A2ML1: variants seen among roughly 807,000 people sequenced by gnomAD.
A2ML1 encodes the protein alpha-2-macroglobulin-like protein 1.
A2ML1 carries 161 observed loss-of-function variants against 181.9 expected under a neutral mutation model. The ratio of observed to expected loss-of-function variants is 0.89; its 90% CI spans 0.78 to 1.01. The LOEUF is 1.01. A2ML1 is among the 50% of genes least tolerant of loss of function. The pLI, the probability that A2ML1 is intolerant of heterozygous loss-of-function variation, is 0.00. For missense variants in A2ML1, 1,670 were observed against 1,768.1 expected, an observed-to-expected ratio of 0.94 and a Z score of 1.00; for synonymous variants, 663 against 666.8, an observed-to-expected ratio of 0.99 and a Z score of 0.09.
chr12:8,885,462 T>A (rs1347963597), intron 7 of A2ML1, among the ~76,000 whole-genome samples: 2 of 151,442 alleles, frequency 1.3e-5, no homozygotes, highest in Admixed American at 6.6e-5. Flanking sequence ...ATTTTATTTT[T>A]TTTAGAAAAC....
At position 8,830,307 on chromosome 12, in the gene A2ML1, C is replaced by T. The variant is rs138687169; in HGVS notation, c.462+528C>T. On this transcript the variant is annotated intron_variant, in intron 4 of 35. Transcript: ENST00000299698. ...CCTCAAGTGTTCCACCCACCTCGGCCTCCCAAAGTGCTGGGATTACAGACA... is the reference window on the plus strand; with the variant it reads ...CCTCAAGTGTTCCACCCACCTCGGCTTCCCAAAGTGCTGGGATTACAGACA... Among the ~76,000 whole-genome samples the T allele has an allele frequency of 5.0e-3, 769 of 152,312 alleles. 4 individuals carry two copies. Among genetic ancestry groups the T allele is most frequent in the African/African-American group, 0.016 (672 of 41,574 alleles).
In A2ML1 at chr12:8,846,117, G is replaced by A. The variant is rs1414395774; in HGVS notation, c.1578G>A (p.Ser526=). 6 of 1,613,966 alleles carry A rather than the reference G, an allele frequency of 3.7e-6. No homozygotes were observed. The highest frequency in any genetic ancestry group is 4.2e-6 in the Non-Finnish European group (5 of 1,180,032). ...ASFSLSLTFT[S]RLAPDPSLVI... ...TCTCTCTCTCACTGACCTTCACTTC[G>A]AGACTGGCCCCTGATCCTTCCCTGG... The change falls in exon 14 of 36, where the codon TCG becomes TCA. Residue 526 remains serine, a synonymous_variant. Transcript: ENST00000299698.
At position 8,822,674 on chromosome 12, in the gene A2ML1, G is replaced by A. The variant is rs1942778660; in HGVS notation, c.23G>A (p.Gly8Glu). The A allele has an allele frequency of 6.2e-7, 1 of 1,614,162 alleles. No homozygotes were observed. The highest frequency in any genetic ancestry group is 1.3e-5 in the African/African-American group (1 of 75,072). The change falls in exon 1 of 36, where the codon GGA becomes GAA. Residue 8 changes from glycine to glutamate, a missense_variant. By Grantham distance (98) the Gly-to-Glu change is moderately conservative (BLOSUM62 -2). Coordinates refer to ENST00000299698, the MANE Select transcript of A2ML1 (RefSeq NM_144670.6). ...AAGATGTGGGCTCAGCTCCTTCTAG[G>A]AATGTTGGCCCTATCACCAGCCATT... is the stretch of plus-strand genomic sequence containing the variant. MWAQLLL[G>E]MLALSPAIAE...
At chr12:8,845,219 C>A (rs1235076537) in intron 12 of A2ML1, 12 of 1,534,726 alleles carry the variant, frequency 7.8e-6, no homozygotes, top group Non-Finnish European at 1.0e-5. Flanking sequence ...CATCCACCTG[C>A]GTGGTTCTCA....
rs114264218 is a variant in A2ML1 at position 8,843,075 on chromosome 12, C to T, written c.1249-59C>T. 2.4e-4 allele frequency: 354 copies of T among 1,477,238 alleles called. 2 individuals are homozygous for T. In the African/African-American group the frequency reaches 4.2e-3, roughly 17 times the overall value. 91.5% of individuals were successfully genotyped at this position (1,477,238 alleles called of 1,614,324 possible). A position where few individuals can be genotyped will look rare whatever the true frequency, so the allele number is the denominator to read the frequency against. On this transcript the variant is annotated intron_variant, in intron 11 of 35. Transcript: ENST00000299698. ...CTCTATTTGAAAACCGTAACAAGTC[C>T]GTGGGGTTTCCATGGTTGGAGCACA...
chr12:8,841,021 A>AGGAAGGAAGGAAGGACGGACGGAC (rs1555109425), intron 10 of A2ML1, among the ~76,000 whole-genome samples: 25 of 122,958 alleles, frequency 2.0e-4, no homozygotes, highest in South Asian at 5.9e-4. Context: ...GACGGAAGGA[A>AGGAAGGAAGGAAGGACGGACGGAC]GGAAGGAAGG....
intron 6 of A2ML1, among the ~76,000 whole-genome samples, chr12:8,835,980 T>A (rs1315310069): frequency 8.2e-6 from 1 of 122,370 alleles, no homozygotes; most frequent in Non-Finnish European, 1.6e-5. Context: ...GCCACTGCAC[T>A]CCAGCCTGGG....
intron 4 of A2ML1, among the ~76,000 whole-genome samples, chr12:8,833,955 A>G (rs1943195120): frequency 6.6e-6 from 1 of 152,158 alleles, no homozygotes; most frequent in Non-Finnish European, 1.5e-5. Context: ...AAAAAAATCA[A>G]GGACTGTCTT....
At chr12:8,831,043 G>A (rs1164722980) in intron 4 of A2ML1, 4 of 151,656 alleles carry the variant, frequency 2.6e-5, no homozygotes, top group Non-Finnish European at 4.4e-5. Flanking sequence ...ACCCTGCCCC[G>A]GGCTCAAGTA....
downstream of A2ML1, among the ~76,000 whole-genome samples, chr12:8,880,146 C>T (rs1944856128): frequency 6.6e-6 from 1 of 152,006 alleles, no homozygotes; most frequent in South Asian, 2.1e-4. Flanking sequence ...GGCAGATCAC[C>T]TGAGATCAGG....
chr12:8,846,459 C>G (rs750413330), intron 14 of A2ML1, among the ~76,000 whole-genome samples: 2 of 152,130 alleles, frequency 1.3e-5, no homozygotes, highest in African/African-American at 2.4e-5. Flanking sequence ...AATCCCAGTG[C>G]TTTGGGAGGC....
downstream of A2ML1, among the ~76,000 whole-genome samples, chr12:8,878,180 A>G (rs1055066319): frequency 3.9e-5 from 6 of 152,106 alleles, no homozygotes; most frequent in African/African-American, 1.4e-4. This position sits in a 1 kb window ranked among gnomAD's most constrained non-coding sequence, Gnocchi z 4.4. Flanking sequence ...GCAGGTGCCT[A>G]TAATCCCAGC....
chr12:8,871,827 G>A (rs776983678), intron 33 of A2ML1, among the ~76,000 whole-genome samples: 4 of 151,274 alleles, frequency 2.6e-5, no homozygotes, highest in Non-Finnish European at 5.9e-5. Flanking sequence ...CTCCCCCACC[G>A]CCACACACAC....
chr12:8,845,507 G>A lies in A2ML1; in HGVS notation c.1537+5G>A, dbSNP rs753742765. The A allele has an allele frequency of 4.3e-6, 7 of 1,614,102 alleles. No individual in the cohort carries two copies. Among genetic ancestry groups the A allele is most frequent in the Non-Finnish European group, 5.9e-6 (7 of 1,179,986 alleles). ...ACCTGAACTCTAAGAAGAAAGGTGAGTGTACATGCTTTTCCCGGAAGCAAA... is the reference window on the plus strand; with the variant it reads ...ACCTGAACTCTAAGAAGAAAGGTGAATGTACATGCTTTTCCCGGAAGCAAA... On this transcript the variant is annotated splice_donor_5th_base_variant and intron_variant, in intron 13 of 35. Coordinates refer to ENST00000299698, the MANE Select transcript of A2ML1 (RefSeq NM_144670.6).
intron 33 of A2ML1, among the ~76,000 whole-genome samples, chr12:8,869,536 A>G (rs1944548754): frequency 6.6e-6 from 1 of 152,194 alleles, no homozygotes; most frequent in Non-Finnish European, 1.5e-5. Context: ...CCATTTTACC[A>G]TACAATTAAT....
intron 22 of A2ML1, among the ~76,000 whole-genome samples, chr12:8,855,236 A>G (rs1944023502): frequency 1.3e-5 from 2 of 152,148 alleles, no homozygotes; most frequent in Admixed American, 1.3e-4. Flanking sequence ...ATAGTACCAG[A>G]AGGAATAGGA....
downstream of A2ML1, among the ~76,000 whole-genome samples, chr12:8,878,637 T>A (rs1944838363): frequency 1.3e-5 from 2 of 152,240 alleles, no homozygotes; most frequent in South Asian, 4.1e-4. The surrounding 1 kb of genome is among the most constrained non-coding windows in gnomAD (Gnocchi z 4.4). Flanking sequence ...ATTTACCCCC[T>A]GAATCTAAAC....
chr12:8,880,463 G>A (rs1278765612), downstream of A2ML1: 1 of 152,066 alleles, frequency 6.6e-6, no homozygotes, highest in Non-Finnish European at 1.5e-5. Flanking sequence ...GTGGGGGCGT[G>A]GGTAGTGTCT....
chr12:8,883,476 T>A (rs1383566845), intron 7 of A2ML1, among the ~76,000 whole-genome samples: 1 of 151,972 alleles, frequency 6.6e-6, no homozygotes, highest in African/African-American at 2.4e-5. Context: ...CTTCTTCTTC[T>A]CTCTCTCTCT....
Sources: allele counts gnomAD v4.1 joint callset (sites outside exome capture counted in the v4.1 genomes callset), GRCh38; gene constraint gnomAD v4.1.1; non-coding constraint Gnocchi (gnomAD v3.1); transcripts MANE v1.5; gene names NCBI Gene and HGNC (gene_info 2026-07-23, HGNC 2026-07-21).